MSI1: variants seen among roughly 807,000 people sequenced by gnomAD.
MSI1 encodes RNA-binding protein Musashi homolog 1.
In MSI1, 15 loss-of-function variants were observed where a neutral mutation model predicts 54.4. The ratio of observed to expected loss-of-function variants is 0.28; its 90% CI spans 0.18 to 0.42. The LOEUF (loss-of-function observed/expected upper bound fraction) is 0.42. MSI1 is among the 20% of genes least tolerant of loss of function. The pLI, the probability that MSI1 is intolerant of heterozygous loss-of-function variation, is 1.00. For synonymous variants in MSI1, 200 were observed against 196.5 expected, an observed-to-expected ratio of 1.02 and a Z score of -0.15; for missense variants, 304 against 506.0, an observed-to-expected ratio of 0.60 and a Z score of 3.83.
chr12:120,362,667 G>C (rs989475185), intron 6 of MSI1, among the ~76,000 whole-genome samples: 5 of 152,170 alleles, frequency 3.3e-5, no homozygotes, highest in Admixed American at 3.3e-4. Flanking sequence ...GGAAGGAGTG[G>C]GGAAAGGTTC....
At chr12:120,364,632 T>C in intron 5 of MSI1, 82 bp downstream of exon 5, 1 of 1,360,246 alleles carries the variant, frequency 7.4e-7, no homozygotes, top group Non-Finnish European at 1.0e-6. Flanking sequence ...AGAAGCATCT[T>C]CCAGAGCAGG....
intron 11 of MSI1, 122 bp from the exon 12 acceptor site, chr12:120,347,636 C>G: frequency 8.2e-7 from 1 of 1,223,254 alleles, no homozygotes; most frequent in Non-Finnish European, 1.2e-6. Flanking sequence ...TCCATGTAGC[C>G]CCAGGGTCAA....
intron 9 of MSI1, among the ~76,000 whole-genome samples, chr12:120,355,963 C>T (rs1875080672): frequency 2.6e-5 from 4 of 152,072 alleles, no homozygotes; most frequent in African/African-American, 7.2e-5. Flanking sequence ...GTGTACACAT[C>T]TCATCTCCCC....
chr12:120,346,890 T>A (rs1874173121), intron 12 of MSI1, among the ~76,000 whole-genome samples: 1 of 151,878 alleles, frequency 6.6e-6, no homozygotes, highest in African/African-American at 2.4e-5. Flanking sequence ...ATTGCCTTTT[T>A]AATACCTGAT....
At position 120,368,777 on chromosome 12, in the gene MSI1, C is replaced by T. The variant is rs1054687181; in HGVS notation, c.100+56G>A. 1.1e-5 allele frequency: 15 copies of T among 1,359,356 alleles called. No individual in the cohort carries two copies. The highest frequency in any genetic ancestry group is 1.4e-5 in the Non-Finnish European group (15 of 1,038,476). 84.2% of individuals were successfully genotyped at this position (1,359,356 alleles called of 1,614,324 possible). A position where few individuals can be genotyped will look rare whatever the true frequency, so the allele number is the denominator to read the frequency against. On this transcript the variant is annotated intron_variant, in intron 2 of 14. Coordinates refer to ENST00000257552, the MANE Select transcript of MSI1 (RefSeq NM_002442.4). The surrounding 1 kb of genome is among the most constrained non-coding windows in gnomAD (Gnocchi z 6.6). ...CGGGCTGGGGTGTCCGGGTCCGGGG[C>T]GCCGGGGGGTCCGGGGTGCCCTGCC... is the stretch of plus-strand genomic sequence containing the variant.
chr12:120,355,474 T>C (rs1318407361), intron 9 of MSI1, among the ~76,000 whole-genome samples: 1 of 151,808 alleles, frequency 6.6e-6, no homozygotes, highest in East Asian at 1.9e-4. Flanking sequence ...AACTAAACTG[T>C]GGTTACATGA....
intron 9 of MSI1, among the ~76,000 whole-genome samples, chr12:120,354,989 T>C (rs1592936034): frequency 7.9e-6 from 1 of 125,944 alleles, no homozygotes; most frequent in Non-Finnish European, 1.6e-5. Context: ...AGGCCAGGAG[T>C]TCGAGACCAG....
intron 10 of MSI1, among the ~76,000 whole-genome samples, chr12:120,351,873 T>C (rs796438326): frequency 4.0e-5 from 6 of 151,672 alleles, no homozygotes; most frequent in African/African-American, 1.2e-4. Flanking sequence ...CACGCCCGGA[T>C]AATTTTTTGT....
chr12:120,359,762 T>G (rs1390257874), intron 6 of MSI1, among the ~76,000 whole-genome samples: 1 of 152,168 alleles, frequency 6.6e-6, no homozygotes, highest in Non-Finnish European at 1.5e-5. Context: ...TGCCTGCATC[T>G]GGTGCCTCCT....
rs1875775277 is a variant in MSI1 at position 120,363,033 on chromosome 12, T to G, written c.402+10A>C. ...AGCCCCAGCAGCAAGCGCCCCCAGT[T>G]TAAACCCACCTTCCCAAACTGCTCA... On this transcript the variant is annotated intron_variant, in intron 6 of 14. Transcript: ENST00000257552. 6.2e-7 allele frequency: 1 copy of G among 1,613,110 alleles called. No homozygotes were observed. The highest frequency in any genetic ancestry group is 8.5e-7 in the Non-Finnish European group (1 of 1,179,392).
At chr12:120,362,916 C>T in intron 6 of MSI1, 127 bp downstream of exon 6, 2 of 811,362 alleles carry the variant, frequency 2.5e-6, no homozygotes, top group Non-Finnish European at 2.1e-6. Context: ...TCTGCCCCCA[C>T]AGCAGGATCC....
intron 6 of MSI1, among the ~76,000 whole-genome samples, chr12:120,360,851 C>T (rs947004668): frequency 1.8e-4 from 27 of 150,286 alleles, no homozygotes; most frequent in Non-Finnish European, 3.5e-4. Context: ...AAAGGGTTCT[C>T]GCTATATTGC....
chr12:120,348,645 A>T (rs1013711463), intron 11 of MSI1, among the ~76,000 whole-genome samples: 30 of 150,788 alleles, frequency 2.0e-4, no homozygotes, highest in African/African-American at 6.8e-4. Flanking sequence ...GCACTTTGGG[A>T]GGCCGAGGCG....
chr12:120,351,757 G>A (rs1349790927), intron 10 of MSI1, among the ~76,000 whole-genome samples: 1 of 147,578 alleles, frequency 6.8e-6, no homozygotes, highest in Non-Finnish European at 1.5e-5. Context: ...CGCCCGGTCT[G>A]GAGTGCAGTG....
rs1241988287 is a variant in MSI1, at chr12:120,345,489, G to A, written c.*21+81C>T. ...GACTGTGGTTCTTGAGGGCAGGGAT[G>A]GGGTCTGTGTCCCAGATTCGATGGC... On this transcript the variant is annotated intron_variant, in intron 14 of 14. Transcript: ENST00000257552. 7.2e-6 allele frequency: 9 copies of A among 1,252,670 alleles called. No homozygotes were observed. The East Asian group carries it at 1.4e-4, about 19-fold the overall frequency. 77.6% of individuals were successfully genotyped at this position (1,252,670 alleles called of 1,614,324 possible).
In MSI1 at chr12:120,346,312, G is replaced by C; in HGVS notation, c.870C>G (p.Pro290=). ...AACCTGGAGGGGGAGCCATCGTCCA[G>C]GGGTGAGAGCCTGGCAACCCAGAAA... ...AAVVRGTGSH[P]WTMAPPPGST... Residue 290 remains proline (P), a synonymous_variant, in exon 13 of 15, where the codon CCC becomes CCG. Transcript: ENST00000257552. 5 of 1,553,626 alleles carry C rather than the reference G, an allele frequency of 3.2e-6. No individual in the cohort carries two copies. The highest frequency in any genetic ancestry group is 4.3e-6 in the Non-Finnish European group (5 of 1,151,146).
chr12:120,339,945 T>G (rs1037283212), downstream of MSI1, among the ~76,000 whole-genome samples: 2 of 150,644 alleles, frequency 1.3e-5, no homozygotes, highest in African/African-American at 4.9e-5. Flanking sequence ...CACAACCGGC[T>G]AATTTTTGTA....
intron 9 of MSI1, among the ~76,000 whole-genome samples, chr12:120,356,692 T>A (rs1419048513): frequency 6.6e-6 from 1 of 152,232 alleles, no homozygotes; most frequent in Non-Finnish European, 1.5e-5. Flanking sequence ...ACCTTTCTGC[T>A]GGCTACCACC....
intron 11 of MSI1, among the ~76,000 whole-genome samples, chr12:120,350,566 A>G (rs915186384): frequency 6.6e-6 from 1 of 151,440 alleles, no homozygotes; most frequent in African/African-American, 2.4e-5. Flanking sequence ...TCTTCCACAC[A>G]TGGCCAGGTT....
Sources: gnomAD v4.1 joint callset for allele counts (sites outside exome capture counted in the v4.1 genomes callset) on GRCh38, gnomAD v4.1.1 for gene constraint, Gnocchi (gnomAD v3.1) non-coding constraint, MANE v1.5 for transcripts, NCBI Gene and HGNC (gene_info 2026-07-23, HGNC 2026-07-21) for gene names.